ZC3H12C: variants seen among roughly 807,000 people sequenced by gnomAD.
ZC3H12C encodes zinc finger CCCH-type containing 12C.
Under a neutral mutation model 76.3 loss-of-function variants are expected in ZC3H12C, and 20 were observed. That is an observed-to-expected ratio of 0.26 (90% CI 0.18 to 0.38). ZC3H12C has a LOEUF of 0.38. Among genes scored for constraint, ZC3H12C ranks in the 10% least tolerant of loss-of-function variants. The pLI is 1.00. For missense variants in ZC3H12C, 874 were observed against 1,086.5 expected, an observed-to-expected ratio of 0.80 and a Z score of 2.75; for synonymous variants, 352 against 399.6, an observed-to-expected ratio of 0.88 and a Z score of 1.42.
chr11:110,114,578 T>A (rs1271262435), intron 1 of ZC3H12C, among the ~76,000 whole-genome samples: 1 of 152,226 alleles, frequency 6.6e-6, no homozygotes, highest in African/African-American at 2.4e-5. Flanking sequence ...GATACTGGCT[T>A]AACCTTTCAT....
intron 1 of ZC3H12C, among the ~76,000 whole-genome samples, chr11:110,107,537 T>C (rs1425942126): frequency 6.6e-6 from 1 of 152,074 alleles, no homozygotes; most frequent in African/African-American, 2.4e-5. Context: ...TTTTTTGTTT[T>C]TTTTTAAGAC....
At chr11:110,143,768 C>T (rs1048533204) in intron 2 of ZC3H12C, among the ~76,000 whole-genome samples, 6 of 152,134 alleles carry the variant, frequency 3.9e-5, no homozygotes, top group African/African-American at 1.4e-4. Context: ...GCAGTCCTCC[C>T]ACCTAAGCCT....
rs578007581 is a variant in ZC3H12C at position 110,116,417 on chromosome 11, G to A, written c.22-20246G>A. Among the ~76,000 whole-genome samples the A allele has an allele frequency of 2.0e-4, 31 of 152,178 alleles. No individual in the cohort carries two copies. In the South Asian group the frequency reaches 3.7e-3, roughly 18 times the overall value. ...TTTCTTTATTTTCCAAAATTCAAAT[G>A]TTGAGATATCATGCACAAAGGAATA... On this transcript the variant is annotated intron_variant, in intron 1 of 5. Transcript: ENST00000278590.
At position 110,137,381 on chromosome 11, in the gene ZC3H12C, C is replaced by G; in HGVS notation, c.740C>G (p.Pro247Arg). The G allele has an allele frequency of 6.2e-7, 1 of 1,610,884 alleles. No individual in the cohort carries two copies. The highest frequency in any genetic ancestry group is 8.5e-7 in the Non-Finnish European group (1 of 1,178,978). The change falls in exon 2 of 6, where the codon CCA becomes CGA. Residue 247 changes from proline to arginine, a missense_variant. Physicochemically the swap from Pro to Arg is moderately radical, Grantham distance 103. Coordinates refer to ENST00000278590, the MANE Select transcript of ZC3H12C (RefSeq NM_033390.2). ...ACAGATGATGGTGAAAATCTGAGAC[C>G]AATAGTTATTGATGGCAGCAATGTG... is the stretch of plus-strand genomic sequence containing the variant. ...IVTDDGENLR[P>R]IVIDGSNVAM...
chr11:110,152,075 A>G (rs1385391259), intron 2 of ZC3H12C, among the ~76,000 whole-genome samples: 1 of 152,238 alleles, frequency 6.6e-6, no homozygotes, highest in East Asian at 1.9e-4. Context: ...TTATAAAAGA[A>G]CATAATTATT....
At chr11:110,153,273 C>T (rs1311172576) in intron 3 of ZC3H12C, among the ~76,000 whole-genome samples, 2 of 152,140 alleles carry the variant, frequency 1.3e-5, no homozygotes, top group Non-Finnish European at 2.9e-5. Flanking sequence ...CTGCAACCTC[C>T]GCCTCCCAGG....
intron 2 of ZC3H12C, among the ~76,000 whole-genome samples, chr11:110,142,351 A>G (rs1183795249): frequency 6.6e-6 from 1 of 152,196 alleles, no homozygotes; most frequent in East Asian, 1.9e-4. Context: ...TAATCCTATT[A>G]CATAGAAATA....
chr11:110,104,550 A>G (rs537098813), intron 1 of ZC3H12C, among the ~76,000 whole-genome samples: 1 of 152,304 alleles, frequency 6.6e-6, no homozygotes, highest in South Asian at 2.1e-4. Context: ...GCAGTAATTA[A>G]AAGCTGTAGG....
At chr11:110,108,435 A>G (rs898871889) in intron 1 of ZC3H12C, among the ~76,000 whole-genome samples, 1 of 152,358 alleles carries the variant, frequency 6.6e-6, no homozygotes, top group African/African-American at 2.4e-5. Flanking sequence ...CAAACCACAT[A>G]TGTGATATCA....
At chr11:110,161,015 T>TA (rs956889903) in intron 4 of ZC3H12C, among the ~76,000 whole-genome samples, 1 of 151,484 alleles carries the variant, frequency 6.6e-6, no homozygotes. Flanking sequence ...TTTTGTGTTT[T>TA]TTTTTTTTAG....
Position 110,137,079 on chromosome 11 carries a change from GACT to G in ZC3H12C, c.441_443del (p.Thr148del). ...AAGACTTTAAACCTGAAGAGTCCCA[GACT>G]ACATCCAAGGAAGCAAAGAAACCAC... is the stretch of plus-strand genomic sequence containing the variant. On this transcript the variant is annotated inframe_deletion, in exon 2 of 6. Transcript: ENST00000278590. The G allele has an allele frequency of 6.2e-7, 1 of 1,613,854 alleles. No homozygotes were observed. The highest frequency in any genetic ancestry group is 8.5e-7 in the Non-Finnish European group (1 of 1,179,874).
At chr11:110,156,644 C>T (rs141357914) in intron 3 of ZC3H12C, among the ~76,000 whole-genome samples, 3,411 of 152,232 alleles carry the variant, frequency 0.022, 65 homozygotes, top group Admixed American at 0.066. Context: ...GAACATAAGA[C>T]GACGAAAGAA....
At chr11:110,114,548 G>A (rs982652054) in intron 1 of ZC3H12C, among the ~76,000 whole-genome samples, 4 of 152,218 alleles carry the variant, frequency 2.6e-5, no homozygotes, top group South Asian at 2.1e-4. Flanking sequence ...TGTTTCTTCC[G>A]TGAGTAAATT....
intron 1 of ZC3H12C, among the ~76,000 whole-genome samples, chr11:110,110,465 C>T (rs1444714176): frequency 6.6e-6 from 1 of 152,048 alleles, no homozygotes; most frequent in Non-Finnish European, 1.5e-5. Context: ...TGAATACTCT[C>T]CACCCTCACA....
chr11:110,141,249 GA>G (rs1774607099), intron 2 of ZC3H12C, among the ~76,000 whole-genome samples: 1 of 152,140 alleles, frequency 6.6e-6, no homozygotes, highest in Non-Finnish European at 1.5e-5. Context: ...GTCAGAATAT[GA>G]ACAGGGAAAA....
intron 1 of ZC3H12C, among the ~76,000 whole-genome samples, chr11:110,120,431 A>G (rs1944138): frequency 0.7 from 105,463 of 151,378 alleles, 37,085 homozygotes; most frequent in East Asian, 0.89. Context: ...GGCTACGCTC[A>G]GGGCCATTTT....
In ZC3H12C at chr11:110,162,832, G is replaced by A. The variant is rs563127909; in HGVS notation, c.1149-441G>A. 4.7e-4 allele frequency among the ~76,000 whole-genome samples: 71 copies of A among 152,246 alleles called. 1 individual carries two copies. In the South Asian group the frequency reaches 0.013, roughly 28 times the overall value. Reference sequence around the variant, plus strand: ...GTGTGTAAAGTGCCTAGCACTAACCGGTGTCTGGTAAGTTCGTACCTTCCC... The same window carrying A: ...GTGTGTAAAGTGCCTAGCACTAACCAGTGTCTGGTAAGTTCGTACCTTCCC... On this transcript the variant is annotated intron_variant, in intron 4 of 5. Coordinates refer to ENST00000278590, the MANE Select transcript of ZC3H12C (RefSeq NM_033390.2).
chr11:110,165,508 C>T lies in ZC3H12C; in HGVS notation c.2423C>T (p.Thr808Ile), dbSNP rs751878934. ...NSTQPCYEQF[T>I]FQSLPEQQEP... Reference sequence around the variant, plus strand: ...ACACAGCCGTGTTATGAGCAGTTCACCTTCCAGAGCCTCCCTGAGCAACAG... The same window carrying T: ...ACACAGCCGTGTTATGAGCAGTTCATCTTCCAGAGCCTCCCTGAGCAACAG... The change falls in exon 6 of 6, where the codon ACC (threonine) becomes ATC (isoleucine). Residue 808 changes from threonine to isoleucine, a missense_variant. By Grantham distance (89) the Thr-to-Ile change is moderately conservative. Transcript: ENST00000278590. 19 of 1,613,890 alleles carry T rather than the reference C, an allele frequency of 1.2e-5. No individual in the cohort carries two copies. Among genetic ancestry groups the T allele is most frequent in the Non-Finnish European group, 1.5e-5 (18 of 1,179,894 alleles).
Position 110,165,566 on chromosome 11 carries a change from G to A in ZC3H12C, c.2481G>A (p.Met827Ile). 2 of 1,613,038 alleles carry A rather than the reference G, an allele frequency of 1.2e-6. No individual in the cohort carries two copies. The highest frequency in any genetic ancestry group is 1.7e-5 in the Admixed American group (1 of 59,848). Residue 827 changes from methionine (M) to isoleucine (I), a missense_variant, in exon 6 of 6, where the codon ATG becomes ATA. By Grantham distance (10) the Met-to-Ile change is conservative. Transcript: ENST00000278590. ...CCTGGCGGATCCCATACTGTGGAAT[G>A]CCGCAAGATCCCCCGAGGTATCAAG... ...EPAWRIPYCG[M>I]PQDPPRYQDN... is the part of the protein sequence containing the mutation.
Sources: gnomAD v4.1 joint callset for allele counts (sites outside exome capture counted in the v4.1 genomes callset) on GRCh38, gnomAD v4.1.1 for gene constraint, MANE v1.5 for transcripts, NCBI Gene and HGNC (gene_info 2026-07-23, HGNC 2026-07-21) for gene names.